The following COL18A1 variants were observed in gnomAD, a reference collection of about 807,000 sequenced individuals.
COL18A1 encodes collagen alpha-1(XVIII) chain.
A neutral mutation model predicts 168.0 loss-of-function variants in COL18A1; 133 were observed. The ratio of observed to expected loss-of-function variants is 0.79; its 90% CI spans 0.69 to 0.91. The LOEUF (loss-of-function observed/expected upper bound fraction) is 0.91. Among genes scored for constraint, COL18A1 ranks in the 40% least tolerant of loss-of-function variants. The probability of loss-of-function intolerance (pLI) is 0.00; values close to 1 mark genes in which losing one functional copy is unlikely to be tolerated. For missense variants in COL18A1, 2,126 were observed against 1,925.4 expected (o/e 1.10, Z -1.95); for synonymous variants, 949 against 809.0 (o/e 1.17, Z -2.94).
In COL18A1 at chr21:45,504,545, C is replaced by T. The variant is rs528980728; in HGVS notation, c.2857C>T (p.Pro953Ser). Residue 953 changes from proline (P) to serine (S), a missense_variant, in exon 34 of 42, where the codon CCT (proline) becomes TCT (serine). Pro to Ser is a moderately conservative substitution (Grantham distance 74). Coordinates refer to ENST00000651438, the MANE Select transcript of COL18A1 (RefSeq NM_001379500.1). ...AGGCCCCCCAGGCCCACGTGGCTAC[C>T]CTGGGATTCCAGTAAGTCCCAGCCT... Reference protein sequence around the residue: ...PPGPPGPRGYPGIPGPKGESI... With the variant: ...PPGPPGPRGYSGIPGPKGESI... 4 of 1,577,550 alleles carry T rather than the reference C, an allele frequency of 2.5e-6. No homozygotes were observed. In the African/African-American group the frequency reaches 5.4e-5, roughly 21 times the overall value.
chr21:45,418,054 C>T (rs898294022), intron 2 of COL18A1, among the ~76,000 whole-genome samples: 2 of 152,222 alleles, frequency 1.3e-5, no homozygotes, highest in East Asian at 1.9e-4. Context: ...GTGTGCCGCC[C>T]CCGGAGCGCT....
Position 45,477,490 on chromosome 21 carries a change from A to G in COL18A1, c.1005+3A>G, listed in dbSNP as rs1188707546. 2.5e-6 allele frequency: 4 copies of G among 1,606,390 alleles called. No homozygotes were observed. In the Admixed American group the frequency reaches 5.1e-5, roughly 20 times the overall value. On this transcript the variant is annotated splice_donor_region_variant and intron_variant, in intron 7 of 41. Transcript: ENST00000651438. ...CCCCTGGGGGCCGCGTGAAAGAGGT[A>G]AGGCCACCTCCCTGTGCTCCTGAAC...
In COL18A1 at chr21:45,511,090, T is replaced by TAAC. The variant is rs1568954974; in HGVS notation, c.3694-20_3694-19insACA. 4 of 1,171,658 alleles carry TAAC rather than the reference T, an allele frequency of 3.4e-6. 1 individual carries two copies. The South Asian group carries it at 5.2e-5, about 15-fold the overall frequency. 72.6% of individuals were successfully genotyped at this position (1,171,658 alleles called of 1,614,324 possible). On this transcript the variant is annotated intron_variant, in intron 40 of 41. Coordinates refer to ENST00000651438, the MANE Select transcript of COL18A1 (RefSeq NM_001379500.1). ...CACACCCCCACACACCACACACACA[T>TAAC]ACACACGGTTTCTCTTCCAGGACGA... is the stretch of plus-strand genomic sequence containing the variant.
Position 45,490,307 on chromosome 21 carries a change from C to G in COL18A1, c.1992C>G (p.Phe664Leu). The G allele has an allele frequency of 6.3e-7, 1 of 1,588,186 alleles. No homozygotes were observed. The highest frequency in any genetic ancestry group is 8.6e-7 in the Non-Finnish European group (1 of 1,168,088). ...GEVGADGVPG[F>L]PGLPGREGIA... ...TTGGAGCAGATGGAGTCCCCGGGTT[C>G]CCCGGCCTCCCTGGCAGAGAGGGCA... The change falls in exon 20 of 42, where the codon TTC becomes TTG. Residue 664 changes from phenylalanine (F) to leucine (L), a missense_variant. Coordinates refer to ENST00000651438, the MANE Select transcript of COL18A1 (RefSeq NM_001379500.1).
At position 45,425,171 on chromosome 21, in the gene COL18A1, C is replaced by T. The variant is rs989123127; in HGVS notation, c.106+19698C>T. On this transcript the variant is annotated intron_variant, in intron 2 of 41. Coordinates refer to ENST00000651438, the MANE Select transcript of COL18A1 (RefSeq NM_001379500.1). This position sits in a 1 kb window ranked among gnomAD's most constrained non-coding sequence, Gnocchi z 4.1. Reference sequence around the variant, plus strand: ...GGTGGGCAGCACCACCCACCGCCTCCTTCCTCACACCAGTCTTGGGCTGCG... The same window carrying T: ...GGTGGGCAGCACCACCCACCGCCTCTTTCCTCACACCAGTCTTGGGCTGCG... The T allele has an allele frequency of 2.6e-5, 4 of 152,318 alleles. No individual in the cohort carries two copies. The highest frequency in any genetic ancestry group is 7.2e-5 in the African/African-American group (3 of 41,460). 9.4% of individuals were successfully genotyped at this position (152,318 alleles called of 1,614,324 possible).
chr21:45,428,971 C>T (rs760040108), intron 2 of COL18A1, among the ~76,000 whole-genome samples: 9 of 151,086 alleles, frequency 6.0e-5, no homozygotes, highest in African/African-American at 1.2e-4. Flanking sequence ...GGTGCGATCT[C>T]GGCTCACTAT....
intron 2 of COL18A1, 127 bp downstream of exon 2, chr21:45,405,600 C>A (rs1391840548): frequency 8.2e-6 from 4 of 487,458 alleles, no homozygotes; most frequent in Non-Finnish European, 1.2e-5. Context: ...GCCCTGCCCA[C>A]GCGCGCAGGA....
At chr21:45,452,201 G>C (rs549614531) in intron 2 of COL18A1, among the ~76,000 whole-genome samples, 2 of 152,264 alleles carry the variant, frequency 1.3e-5, no homozygotes, top group African/African-American at 2.4e-5. Flanking sequence ...GCAGGGGCTG[G>C]GAAGGAGGCC....
intron 2 of COL18A1, among the ~76,000 whole-genome samples, chr21:45,447,920 G>A (rs530831597): frequency 2.0e-5 from 3 of 152,158 alleles, no homozygotes; most frequent in Non-Finnish European, 4.4e-5. Flanking sequence ...GCATTCAGGA[G>A]AAGACAGAGG....
chr21:45,459,183 C>T (rs1213648468), intron 2 of COL18A1, among the ~76,000 whole-genome samples: 5 of 152,202 alleles, frequency 3.3e-5, no homozygotes, highest in East Asian at 3.9e-4. Context: ...CCTGCCCCCT[C>T]TTCTGGCCTC....
At chr21:45,504,685 C>T (rs1427798402) in intron 34 of COL18A1, 129 bp downstream of exon 34, 16 of 791,974 alleles carry the variant, frequency 2.0e-5, no homozygotes, top group Non-Finnish European at 3.1e-5. Flanking sequence ...GCAGCCCCGA[C>T]ATGTCCCTGT....
intron 12 of COL18A1, 49 bp downstream of exon 12, chr21:45,480,569 G>A: frequency 6.2e-7 from 1 of 1,613,970 alleles, no homozygotes; most frequent in Admixed American, 1.7e-5. Context: ...TGCCCATGAG[G>A]AACAGGCCAT....
At position 45,441,304 on chromosome 21, in the gene COL18A1, C is replaced by T. The variant is rs376021131; in HGVS notation, c.107-26938C>T. On this transcript the variant is annotated intron_variant, in intron 2 of 41. Transcript: ENST00000651438. ...GGTTCATCGAGGTCTTATTTTGGTT[C>T]TGTACTGGGAGAGGGGGAAGCAATG... 2.6e-5 allele frequency among the ~76,000 whole-genome samples: 4 copies of T among 152,218 alleles called. No individual in the cohort carries two copies. In the East Asian group the frequency reaches 5.8e-4, roughly 22 times the overall value.
intron 32 of COL18A1, among the ~76,000 whole-genome samples, chr21:45,501,470 A>G (rs2036821107): frequency 6.6e-6 from 1 of 152,138 alleles, no homozygotes; most frequent in Admixed American, 6.5e-5. Flanking sequence ...CCACGAGTGC[A>G]GTAGAAGCAA....
chr21:45,486,761 C>A, intron 15 of COL18A1, 100 bp from the exon 16 acceptor site: 1 of 1,313,082 alleles, frequency 7.6e-7, no homozygotes, highest in Non-Finnish European at 1.0e-6. Context: ...TTTTGATTTG[C>A]AGGGTTTAGA....
chr21:45,458,178 G>C, intron 2 of COL18A1, among the ~76,000 whole-genome samples: 1 of 151,654 alleles, frequency 6.6e-6, no homozygotes, highest in East Asian at 2.0e-4. Flanking sequence ...TGCGCTGGGG[G>C]GGCCTGGTGT....
rs908380740 is a variant in COL18A1 at position 45,473,241 on chromosome 21, C to T, written c.652-654C>T. Among the ~76,000 whole-genome samples, 4 of 152,222 alleles carry T rather than the reference C, an allele frequency of 2.6e-5. No homozygotes were observed. Among genetic ancestry groups the T allele is most frequent in the African/African-American group, 7.2e-5 (3 of 41,464 alleles). ...AGGCACCGCCGGCCGCGCCAGGGCC[C>T]GAGAGGGCAGGGTCAGGCACCCTGG... On this transcript the variant is annotated intron_variant, in intron 3 of 41. Coordinates refer to ENST00000651438, the MANE Select transcript of COL18A1 (RefSeq NM_001379500.1). This position sits in a 1 kb window ranked among gnomAD's most constrained non-coding sequence, Gnocchi z 4.0.
chr21:45,431,105 G>A (rs1322742840), intron 2 of COL18A1, among the ~76,000 whole-genome samples: 2 of 152,200 alleles, frequency 1.3e-5, no homozygotes, highest in African/African-American at 2.4e-5. Context: ...GCTCCTGTGC[G>A]GGAGGAGGTC....
At chr21:45,497,388 C>T (rs569538951) in intron 31 of COL18A1, among the ~76,000 whole-genome samples, 1 of 152,342 alleles carries the variant, frequency 6.6e-6, no homozygotes, top group South Asian at 2.1e-4. Context: ...CAGCACGTGC[C>T]CTGCAGGTGT....
Sources: gnomAD v4.1 joint callset for allele counts (sites outside exome capture counted in the v4.1 genomes callset) on GRCh38, gnomAD v4.1.1 for gene constraint, Gnocchi (gnomAD v3.1) non-coding constraint, MANE v1.5 for transcripts, NCBI Gene and HGNC (gene_info 2026-07-23, HGNC 2026-07-21) for gene names.